ZNF546: variants seen among roughly 807,000 people sequenced by gnomAD.
ZNF546 encodes the protein zinc finger protein 546.
ZNF546 carries 60 observed loss-of-function variants against 76.2 expected under a neutral mutation model. The observed-to-expected ratio is 0.79, with a 90% CI of 0.64 to 0.98. ZNF546 has a LOEUF of 0.98. Ranked by LOEUF, ZNF546 falls within the 50% of genes least tolerant of loss-of-function variation. The pLI is 0.00. For missense variants in ZNF546, 936 were observed against 1,035.6 expected, an observed-to-expected ratio of 0.90 and a Z score of 1.32; for synonymous variants, 277 against 328.1, an observed-to-expected ratio of 0.84 and a Z score of 1.68.
chr19:40,004,189 G>T (rs1272058030), intron 3 of ZNF546, among the ~76,000 whole-genome samples: 1 of 149,736 alleles, frequency 6.7e-6, no homozygotes, highest in Non-Finnish European at 1.5e-5. Context: ...TTGAAGAGAA[G>T]ATCGTTCAAC....
chr19:40,017,219 T>A lies in ZNF546; in HGVS notation c.*1438T>A, dbSNP rs1421852785. ...AATGTGAGAAAGAAATCTCTAGATT[T>A]GATGGGTGTGAAGATTATGAGAGTA... is the stretch of plus-strand genomic sequence containing the variant. On this transcript the variant is annotated 3_prime_UTR_variant, in exon 7 of 7. Coordinates refer to ENST00000347077, the MANE Select transcript of ZNF546 (RefSeq NM_178544.5). The A allele has an allele frequency of 1.3e-5, 2 of 152,224 alleles. No homozygotes were observed. The highest frequency in any genetic ancestry group is 4.8e-5 in the African/African-American group (2 of 41,454). The allele number at this position is 152,224 out of a possible 1,614,324, so 9.4% of individuals were successfully genotyped here. A position where few individuals can be genotyped will look rare whatever the true frequency, so the allele number is the denominator to read the frequency against.
rs1218518340 is a variant in ZNF546, at chr19:40,019,531, G to A, written c.*3750G>A. On this transcript the variant is annotated 3_prime_UTR_variant, in exon 7 of 7. Coordinates refer to ENST00000347077, the MANE Select transcript of ZNF546 (RefSeq NM_178544.5). ...AGGAAAAAGATAATTACAGCATTGT[G>A]AATGAGAATTGGATGTAAGTACAGA... The A allele has an allele frequency of 2.0e-5, 3 of 152,190 alleles. No homozygotes were observed. Among genetic ancestry groups the A allele is most frequent in the African/African-American group, 4.8e-5 (2 of 41,440 alleles). 9.4% of individuals were successfully genotyped at this position (152,190 alleles called of 1,614,324 possible). A position where few individuals can be genotyped will look rare whatever the true frequency, so the allele number is the denominator to read the frequency against.
chr19:40,001,148 G>A (rs1599737846), intron 3 of ZNF546, among the ~76,000 whole-genome samples: 2 of 152,268 alleles, frequency 1.3e-5, no homozygotes, highest in Middle Eastern at 3.4e-3. Flanking sequence ...AGCGGTTAAT[G>A]CTAGCAATGG....
Position 40,015,220 on chromosome 19 carries a change from T to C in ZNF546, c.1950T>C (p.Thr650=). 6.2e-7 allele frequency: 1 copy of C among 1,612,898 alleles called. No homozygotes were observed. Among genetic ancestry groups the C allele is most frequent in the Non-Finnish European group, 8.5e-7 (1 of 1,179,710 alleles). The change falls in exon 7 of 7, where the codon ACT becomes ACC. Residue 650 remains threonine (T), a synonymous_variant. Transcript: ENST00000347077. ...GTGGGAAGGCCTTTATTCGTAGCACTCATCTCACGCAACATCACAGAATTC... is the reference window on the plus strand; with the variant it reads ...GTGGGAAGGCCTTTATTCGTAGCACCCATCTCACGCAACATCACAGAATTC... ...TECGKAFIRS[T]HLTQHHRIHT...
chr19:39,997,958 C>G (rs1252779964), intron 2 of ZNF546, 43 bp downstream of exon 2: 1 of 182,594 alleles, frequency 5.5e-6, no homozygotes, highest in African/African-American at 2.3e-5. Flanking sequence ...GGAAATCACA[C>G]ATTCTAATCC....
At chr19:40,006,055 G>A (rs776176545) in intron 3 of ZNF546, 41 bp from the exon 4 acceptor site, 55 of 1,553,556 alleles carry the variant, frequency 3.5e-5, no homozygotes, top group Non-Finnish European at 4.8e-5. Context: ...TAGGAGTTTT[G>A]ACACACATCT....
rs150140994 is a variant in ZNF546 at position 40,014,642 on chromosome 19, C to T, written c.1372C>T (p.Arg458Trp). Residue 458 changes from arginine to tryptophan, a missense_variant, in exon 7 of 7, where the codon CGG becomes TGG. Arg to Trp is a moderately radical substitution (Grantham distance 101). Coordinates refer to ENST00000347077, the MANE Select transcript of ZNF546 (RefSeq NM_178544.5). ...CTTTCGTCTTCAAACGGAACTTACT[C>T]GGCATCATAGAACTCATACTGGTGA... ...KAFRLQTELT[R>W]HHRTHTGEKP... 2.0e-4 allele frequency: 323 copies of T among 1,612,338 alleles called. 2 individuals carry two copies. In the East Asian group the frequency reaches 6.7e-3, roughly 33 times the overall value.
intron 3 of ZNF546, among the ~76,000 whole-genome samples, chr19:39,998,920 C>A (rs1324581164): frequency 1.3e-5 from 2 of 152,032 alleles, no homozygotes; most frequent in East Asian, 1.9e-4. Context: ...TTACAGGCGC[C>A]TGCCACCATG....
intron 1 of ZNF546, among the ~76,000 whole-genome samples, chr19:39,997,484 A>G (rs1216883845): frequency 6.6e-6 from 1 of 152,156 alleles, no homozygotes; most frequent in Non-Finnish European, 1.5e-5. Flanking sequence ...AGTGTCCCCA[A>G]GAGGGAAGTC....
rs1168178124 is a variant in ZNF546, at chr19:40,016,498, C to T, written c.*717C>T. 2 of 152,118 alleles carry T rather than the reference C, an allele frequency of 1.3e-5. No homozygotes were observed. The highest frequency in any genetic ancestry group is 3.9e-4 in the East Asian group (2 of 5,184). 9.4% of individuals were successfully genotyped at this position (152,118 alleles called of 1,614,324 possible). A position where few individuals can be genotyped will look rare whatever the true frequency, so the allele number is the denominator to read the frequency against. ...TCGCACCACTGCACTCTAGCTTGGG[C>T]AACAGAGCAAGACTCTGTCTCTTAA... On this transcript the variant is annotated 3_prime_UTR_variant, in exon 7 of 7. Coordinates refer to ENST00000347077, the MANE Select transcript of ZNF546 (RefSeq NM_178544.5).
chr19:40,017,161 C>T lies in ZNF546; in HGVS notation c.*1380C>T, dbSNP rs1599747491. 2 of 152,186 alleles carry T rather than the reference C, an allele frequency of 1.3e-5. No individual in the cohort carries two copies. Among genetic ancestry groups the T allele is most frequent in the East Asian group, 3.9e-4 (2 of 5,180 alleles). 9.4% of individuals were successfully genotyped at this position (152,186 alleles called of 1,614,324 possible). A position where few individuals can be genotyped will look rare whatever the true frequency, so the allele number is the denominator to read the frequency against. On this transcript the variant is annotated 3_prime_UTR_variant, in exon 7 of 7. Coordinates refer to ENST00000347077, the MANE Select transcript of ZNF546 (RefSeq NM_178544.5). ...TATCCAGTAAAATAGATTAAACTTC[C>T]ATTTATAAAGTCAGAACCTATCTCT...
chr19:39,999,142 AAATT>A (rs1360411449), intron 3 of ZNF546, among the ~76,000 whole-genome samples: 3 of 152,252 alleles, frequency 2.0e-5, no homozygotes, highest in African/African-American at 4.8e-5. Context: ...CATTATATCT[AAATT>A]AACATTTCAA....
At chr19:40,011,529 A>G (rs1020586107) in intron 6 of ZNF546, among the ~76,000 whole-genome samples, 4 of 152,174 alleles carry the variant, frequency 2.6e-5, no homozygotes, top group Admixed American at 6.6e-5. Flanking sequence ...CAGCTTTTCT[A>G]GAAATTTTAT....
Position 40,006,163 on chromosome 19 carries a change from GT to G in ZNF546, c.154del (p.Ser52LeufsTer16). The G allele has an allele frequency of 6.2e-7, 1 of 1,613,426 alleles. No individual in the cohort carries two copies. The highest frequency in any genetic ancestry group is 1.3e-5 in the African/African-American group (1 of 75,012). ...ETQGELTSSC[G>X]SKTMANVSLA... is the part of the protein sequence containing the mutation. ...CAAGGAGAACTGACAAGTTCTTGTG[GT>G]TCTAAAACCATGGCCAATGTAAGTT... On this transcript the variant is annotated frameshift_variant, in exon 4 of 7. Coordinates refer to ENST00000347077, the MANE Select transcript of ZNF546 (RefSeq NM_178544.5). LOFTEE classifies it high-confidence loss of function.
chr19:40,012,219 T>G (rs1213274282), intron 6 of ZNF546, among the ~76,000 whole-genome samples: 1 of 152,170 alleles, frequency 6.6e-6, no homozygotes. Flanking sequence ...ACAGGGCAAA[T>G]GTAAACAGTT....
chr19:39,998,971 C>T (rs938729958), intron 3 of ZNF546, among the ~76,000 whole-genome samples: 2 of 152,132 alleles, frequency 1.3e-5, no homozygotes, highest in Non-Finnish European at 2.9e-5. Context: ...CAGGGTTTCA[C>T]CACGTTGGCC....
chr19:40,020,125 G>T lies in ZNF546; in HGVS notation c.*4344G>T, dbSNP rs1003490563. The stretch of plus-strand genomic sequence containing the variant: ...GATTTAATGGCATGTAGGGGTTTGC[G>T]TGAATATATACAGTTGAAATTCAAT... On this transcript the variant is annotated 3_prime_UTR_variant, in exon 7 of 7. Transcript: ENST00000347077. 1 of 152,126 alleles carries T rather than the reference G, an allele frequency of 6.6e-6. No homozygotes were observed. The highest frequency in any genetic ancestry group is 1.5e-5 in the Non-Finnish European group (1 of 68,014). The allele number at this position is 152,126 out of a possible 1,614,324, so 9.4% of individuals were successfully genotyped here.
At chr19:40,009,972 T>C (rs1261764005) in intron 6 of ZNF546, among the ~76,000 whole-genome samples, 2 of 152,232 alleles carry the variant, frequency 1.3e-5, no homozygotes, top group Non-Finnish European at 2.9e-5. Context: ...CAGATAAAGC[T>C]ACTGGAAACT....
intron 6 of ZNF546, among the ~76,000 whole-genome samples, chr19:40,010,929 C>G (rs977575238): frequency 6.6e-6 from 1 of 152,112 alleles, no homozygotes. Flanking sequence ...ATCCACCTGC[C>G]TCAGCCTCCC....
Sources: gnomAD v4.1 joint callset for allele counts (sites outside exome capture counted in the v4.1 genomes callset) on GRCh38, gnomAD v4.1.1 for gene constraint, MANE v1.5 for transcripts, NCBI Gene and HGNC (gene_info 2026-07-23, HGNC 2026-07-21) for gene names.